NYNRIN: variants seen among roughly 807,000 people sequenced by gnomAD.
The protein encoded by NYNRIN is NYN domain and retroviral integrase containing.
NYNRIN carries 86 observed loss-of-function variants against 146.6 expected under a neutral mutation model. The observed-to-expected ratio is 0.59, with a 90% CI of 0.49 to 0.70. NYNRIN has a LOEUF of 0.70. NYNRIN is among the 30% of genes least tolerant of loss of function. NYNRIN has a pLI of 0.00. For missense variants in NYNRIN, 2,191 were observed against 2,377.7 expected, an observed-to-expected ratio of 0.92 and a Z score of 1.63; for synonymous variants, 1,027 against 1,001.3, an observed-to-expected ratio of 1.03 and a Z score of -0.48.
rs2042824221 is a variant in NYNRIN, at chr14:24,399,225, T to C, written c.-17-5T>C. ...CGGGTGACACTATCGTCTCCTTCGT[T>C]CCAGGAGCGGGCGGGGCAGCCATGC... On this transcript the variant is annotated splice_region_variant and splice_polypyrimidine_tract_variant and intron_variant, in intron 1 of 8. Transcript: ENST00000382554. 6.2e-7 allele frequency: 1 copy of C among 1,611,392 alleles called. No homozygotes were observed. The highest frequency in any genetic ancestry group is 1.3e-5 in the African/African-American group (1 of 74,862).
At chr14:24,404,996 G>A (rs2042867532) in intron 2 of NYNRIN, among the ~76,000 whole-genome samples, 1 of 24,306 alleles carries the variant, frequency 4.1e-5, no homozygotes, top group African/African-American at 6.9e-5. Context: ...TGCCAAGCCT[G>A]TGTGTGTGTG....
chr14:24,406,877 G>C (rs1245949783), intron 2 of NYNRIN, among the ~76,000 whole-genome samples: 1 of 152,242 alleles, frequency 6.6e-6, no homozygotes, highest in Non-Finnish European at 1.5e-5. Flanking sequence ...GCCCACCCCA[G>C]CCACTGCTAA....
chr14:24,408,921 C>A lies in NYNRIN; in HGVS notation c.1127C>A (p.Ser376Tyr). The A allele has an allele frequency of 6.2e-7, 1 of 1,614,032 alleles. No homozygotes were observed. Among genetic ancestry groups the A allele is most frequent in the South Asian group, 1.1e-5 (1 of 91,078 alleles). ...ATFWRINELH[S>Y]LHLAWLLSQA... ...TTCTGGAGGATCAATGAGCTGCATT[C>A]TCTACATCTGGCCTGGCTCCTGTCC... The change falls in exon 4 of 9, where the codon TCT becomes TAT. Residue 376 changes from serine to tyrosine, a missense_variant. By Grantham distance (144) the Ser-to-Tyr change is moderately radical. Around this residue, in one of 3 missense-constraint regions of NYNRIN, gnomAD observed 895 missense variants for 941.2 expected, o/e 0.95. Transcript: ENST00000382554.
rs2042894202 is a variant in NYNRIN, at chr14:24,409,125, T to C, written c.1331T>C (p.Leu444Pro). Residue 444 changes from leucine to proline, a missense_variant, in exon 4 of 9, where the codon CTG becomes CCG. Coordinates refer to ENST00000382554, the MANE Select transcript of NYNRIN (RefSeq NM_025081.3). ...PDGGLGGEAALQNCPRPEISP... is the reference protein window; with the variant it reads ...PDGGLGGEAAPQNCPRPEISP... ...GGGGGGCTGGGAGGAGAAGCAGCCCTGCAGAATTGCCCAAGGCCAGAGATT... is the reference window on the plus strand; with the variant it reads ...GGGGGGCTGGGAGGAGAAGCAGCCCCGCAGAATTGCCCAAGGCCAGAGATT... 6.2e-7 allele frequency: 1 copy of C among 1,613,742 alleles called. No individual in the cohort carries two copies. Among genetic ancestry groups the C allele is most frequent in the Non-Finnish European group, 8.5e-7 (1 of 1,179,870 alleles).
chr14:24,399,463 C>A lies in NYNRIN; in HGVS notation c.198+19C>A, dbSNP rs779173927. On this transcript the variant is annotated intron_variant, in intron 2 of 8. Coordinates refer to ENST00000382554, the MANE Select transcript of NYNRIN (RefSeq NM_025081.3). ...AGCCAAGGTAAACAGCTTCTCCCCA[C>A]CCCCACCCATCTCTTCCAGCCAGAT... 1.9e-6 allele frequency: 3 copies of A among 1,584,138 alleles called. No individual in the cohort carries two copies. The highest frequency in any genetic ancestry group is 2.6e-6 in the Non-Finnish European group (3 of 1,162,724).
Position 24,416,832 on chromosome 14 carries a change from C to T in NYNRIN, c.5083C>T (p.Leu1695=). 1 of 1,610,088 alleles carries T rather than the reference C, an allele frequency of 6.2e-7. No homozygotes were observed. Among genetic ancestry groups the T allele is most frequent in the Non-Finnish European group, 8.5e-7 (1 of 1,177,540 alleles). The part of the protein sequence containing the change: ...FARHVLVSCG[L]ALGAQVASLS... ...CCGGCACGTCCTTGTGAGCTGTGGG[C>T]TGGCCCTGGGAGCCCAGGTGGCCTC... Residue 1695 remains leucine, a synonymous_variant, in exon 9 of 9, where the codon CTG becomes TTG. Coordinates refer to ENST00000382554, the MANE Select transcript of NYNRIN (RefSeq NM_025081.3).
chr14:24,404,167 T>C lies in NYNRIN; in HGVS notation c.199-3702T>C, dbSNP rs182195121. On this transcript the variant is annotated intron_variant, in intron 2 of 8. Coordinates refer to ENST00000382554, the MANE Select transcript of NYNRIN (RefSeq NM_025081.3). ...GTCGATGATTTCCTCTCCTGTGCTA[T>C]CTCTGTCCTCTCTTTCTGGAAGTCC... 1.7e-3 allele frequency among the ~76,000 whole-genome samples: 254 copies of C among 152,372 alleles called. 1 individual carries two copies. Among genetic ancestry groups the C allele is most frequent in the African/African-American group, 5.9e-3 (245 of 41,590 alleles).
At chr14:24,403,358 A>T (rs1425823234) in intron 2 of NYNRIN, among the ~76,000 whole-genome samples, 1 of 151,818 alleles carries the variant, frequency 6.6e-6, no homozygotes, top group Non-Finnish European at 1.5e-5. Flanking sequence ...TTGGTTCTAA[A>T]TTTTTTCTTG....
rs553952299 is a variant in NYNRIN, at chr14:24,411,169, A to G, written c.2508A>G (p.Val836=). ...NRGHREVTVF[V]PTWQLKKNRR... ...GACACCGAGAGGTCACTGTGTTTGT[A>G]CCCACCTGGCAGCTGAAGAAGAACC... Residue 836 remains valine, a synonymous_variant, in exon 5 of 9, where the codon GTA becomes GTG. Transcript: ENST00000382554. The surrounding 1 kb of genome is among the most constrained non-coding windows in gnomAD (Gnocchi z 4.3). The G allele has an allele frequency of 1.2e-6, 2 of 1,606,948 alleles. No homozygotes were observed. Among genetic ancestry groups the G allele is most frequent in the East Asian group, 4.5e-5 (2 of 44,820 alleles).
rs758367722 is a variant in NYNRIN, at chr14:24,409,752, T to TTTCCAAAGCACCTGCAGC, written c.1978_1995dup (p.Ser660_Ala665dup). The TTTCCAAAGCACCTGCAGC allele has an allele frequency of 4.3e-6, 7 of 1,610,230 alleles. No homozygotes were observed. The highest frequency in any genetic ancestry group is 1.7e-5 in the Admixed American group (1 of 59,524). On this transcript the variant is annotated inframe_insertion, in exon 4 of 9. Transcript: ENST00000382554. ...GCTCAAGCCGGGCCTGCAGCTACAG[T>TTTCCAAAGCACCTGCAGC]TTCCAAAGCACCTGCAGCTTCCAAA...
rs2042914078 is a variant in NYNRIN at position 24,411,707 on chromosome 14, A to G, written c.2642+257A>G. On this transcript the variant is annotated intron_variant, in intron 6 of 8. Transcript: ENST00000382554. This position sits in a 1 kb window ranked among gnomAD's most constrained non-coding sequence, Gnocchi z 4.3. ...ACTCTGGAGTCCGTCTGCCTTAGCT[A>G]ACAGGCATTCTTCCCCCATGACCTG... 6.6e-6 allele frequency among the ~76,000 whole-genome samples: 1 copy of G among 152,148 alleles called. No homozygotes were observed. The highest frequency in any genetic ancestry group is 1.5e-5 in the Non-Finnish European group (1 of 68,014).
chr14:24,415,373 C>G lies in NYNRIN; in HGVS notation c.3624C>G (p.Ser1208Arg). 2 of 1,614,000 alleles carry G rather than the reference C, an allele frequency of 1.2e-6. No homozygotes were observed. Among genetic ancestry groups the G allele is most frequent in the East Asian group, 2.2e-5 (1 of 44,872 alleles). Reference sequence around the variant, plus strand: ...AGGGCCCCCAGTCAGGGGGTGACAGCCCCTATGCTGTGGCCTGGGCCCTCA... The same window carrying G: ...AGGGCCCCCAGTCAGGGGGTGACAGGCCCTATGCTGTGGCCTGGGCCCTCA... ...ESQGPQSGGD[S>R]PYAVAWALKH... The change falls in exon 9 of 9, where the codon AGC becomes AGG. Residue 1208 changes from serine to arginine, a missense_variant. Physicochemically the swap from Ser to Arg is moderately radical, Grantham distance 110. Around this residue, in one of 3 missense-constraint regions of NYNRIN, gnomAD observed 1,291 missense variants for 1,417.0 expected, o/e 0.91. Transcript: ENST00000382554.
In NYNRIN at chr14:24,418,116, G is replaced by A. The variant is rs532965314; in HGVS notation, c.*670G>A. 1.1e-5 allele frequency: 4 copies of A among 375,676 alleles called. No homozygotes were observed. The highest frequency in any genetic ancestry group is 7.7e-5 in the South Asian group (4 of 51,654). The allele number at this position is 375,676 out of a possible 1,614,324, so 23.3% of individuals were successfully genotyped here. A position where few individuals can be genotyped will look rare whatever the true frequency, so the allele number is the denominator to read the frequency against. Reference sequence around the variant, plus strand: ...ATGGCCAGCCACAAGCCACCAGCTTGTCAGCATGGGAAGGGCAAGGGGGAA... The same window carrying A: ...ATGGCCAGCCACAAGCCACCAGCTTATCAGCATGGGAAGGGCAAGGGGGAA... On this transcript the variant is annotated 3_prime_UTR_variant, in exon 9 of 9. Coordinates refer to ENST00000382554, the MANE Select transcript of NYNRIN (RefSeq NM_025081.3).
intron 7 of NYNRIN, 95 bp from the exon 8 acceptor site, chr14:24,413,221 T>C: frequency 2.2e-6 from 3 of 1,365,898 alleles, no homozygotes; most frequent in Non-Finnish European, 3.1e-6. Context: ...CCTGCCAGGA[T>C]GTGGGTCTCA....
chr14:24,405,472 T>C (rs2042870712), intron 2 of NYNRIN, among the ~76,000 whole-genome samples: 2 of 152,254 alleles, frequency 1.3e-5, no homozygotes, highest in African/African-American at 4.8e-5. Context: ...TACCTAGTTG[T>C]TAGTTGTTCC....
chr14:24,403,161 G>A (rs948087140), intron 2 of NYNRIN, among the ~76,000 whole-genome samples: 10 of 152,138 alleles, frequency 6.6e-5, no homozygotes, highest in Non-Finnish European at 1.3e-4. Flanking sequence ...CGTTCACATC[G>A]AAGCACTGAA....
At chr14:24,399,127 C>A (rs542202242) in intron 1 of NYNRIN, 41 bp downstream of exon 1, 1 of 922,350 alleles carries the variant, frequency 1.1e-6, no homozygotes, top group Non-Finnish European at 1.6e-6. Flanking sequence ...GTGCGGGGGG[C>A]GCGCCGCGGG....
chr14:24,407,750 G>C, intron 2 of NYNRIN, 119 bp from the exon 3 acceptor site: 1 of 894,006 alleles, frequency 1.1e-6, no homozygotes, highest in Admixed American at 2.5e-5. Context: ...TGGTGGATGG[G>C]GGGTGGTAGT....
At position 24,417,347 on chromosome 14, in the gene NYNRIN, CCCA is replaced by C; in HGVS notation, c.5599_5601del (p.Pro1867del). 1 of 1,603,390 alleles carries C rather than the reference CCCA, an allele frequency of 6.2e-7. No individual in the cohort carries two copies. Among genetic ancestry groups the C allele is most frequent in the Non-Finnish European group, 8.5e-7 (1 of 1,173,912 alleles). ...TGTCACTCTATAGGATATGGGGCTT[CCCA>C]ACCCCAGAGAAGCTGGGGTGCATCT... On this transcript the variant is annotated inframe_deletion, in exon 9 of 9. Transcript: ENST00000382554.
Sources: allele counts gnomAD v4.1 joint callset (sites outside exome capture counted in the v4.1 genomes callset), GRCh38; gene constraint gnomAD v4.1.1; regional missense constraint gnomAD v4.1.1; non-coding constraint Gnocchi (gnomAD v3.1); transcripts MANE v1.5; gene names NCBI Gene and HGNC (gene_info 2026-07-23, HGNC 2026-07-21).